GALNTL6: variants seen among roughly 807,000 people sequenced by gnomAD.
GALNTL6 encodes polypeptide N-acetylgalactosaminyltransferase like 6.
A neutral mutation model predicts 73.7 loss-of-function variants in GALNTL6; 46 were observed. That is an observed-to-expected ratio of 0.62 (90% CI 0.49 to 0.80). The LOEUF (loss-of-function observed/expected upper bound fraction) is 0.80, where lower values mean the gene tolerates loss of function less well. Among genes scored for constraint, GALNTL6 ranks in the 30% least tolerant of loss-of-function variants. The pLI, the probability that GALNTL6 is intolerant of heterozygous loss-of-function variation, is 0.00. For missense variants in GALNTL6, 604 were observed against 755.0 expected (o/e 0.80, Z 2.34); for synonymous variants, 259 against 263.7 (o/e 0.98, Z 0.17).
chr4:172,747,398 AATAG>A (rs139503844), intron 5 of GALNTL6, among the ~76,000 whole-genome samples: 3,604 of 152,204 alleles, frequency 0.024, 131 homozygotes, highest in African/African-American at 0.081. Context: ...AAATGAGATG[AATAG>A]ATAAAGTGGA....
intron 4 of GALNTL6, among the ~76,000 whole-genome samples, chr4:172,336,277 T>TTTTTTTG (rs1487461976): frequency 7.4e-6 from 1 of 135,218 alleles, no homozygotes; most frequent in African/African-American, 2.8e-5. Flanking sequence ...TTTGTTTTGT[T>TTTTTTTG]TTTTTTTTTT....
At chr4:171,838,255 C>G (rs1190737897) in intron 2 of GALNTL6, among the ~76,000 whole-genome samples, 1 of 151,974 alleles carries the variant, frequency 6.6e-6, no homozygotes, top group Non-Finnish European at 1.5e-5. Context: ...TCCCAAGAAG[C>G]TGGGGTTACA....
At chr4:171,904,700 A>G (rs28795182) in intron 2 of GALNTL6, among the ~76,000 whole-genome samples, 36,681 of 151,816 alleles carry the variant, frequency 0.24, 4,585 homozygotes, top group Middle Eastern at 0.34. Flanking sequence ...TATCAGATTC[A>G]CCAAAGTTGA....
intron 2 of GALNTL6, among the ~76,000 whole-genome samples, chr4:171,931,508 T>C (rs1405681641): frequency 6.6e-6 from 1 of 152,248 alleles, no homozygotes; most frequent in East Asian, 1.9e-4. Flanking sequence ...TAACATATGA[T>C]AGTCACTTTC....
At chr4:172,071,880 C>T (rs1731542777) in intron 2 of GALNTL6, among the ~76,000 whole-genome samples, 1 of 152,136 alleles carries the variant, frequency 6.6e-6, no homozygotes, top group African/African-American at 2.4e-5. Context: ...TGCTATGTGA[C>T]TGGATAGGAA....
In GALNTL6 at chr4:172,817,125, AAAGG is replaced by A. The variant is rs1196099467; in HGVS notation, c.923+3406_923+3409del. Among the ~76,000 whole-genome samples, 1,030 of 151,006 alleles carry A rather than the reference AAAGG, an allele frequency of 6.8e-3. 9 individuals carry two copies. Among genetic ancestry groups the A allele is most frequent in the African/African-American group, 0.023 (928 of 41,114 alleles). Reference sequence around the variant, plus strand: ...CGTCTCCAAAAAAAAAAAAAAAAAGAAAGGAAGAAATATTTTGGGGCCAGGAACA... The same window carrying A: ...CGTCTCCAAAAAAAAAAAAAAAAAGAAAGAAATATTTTGGGGCCAGGAACA... On this transcript the variant is annotated intron_variant, in intron 7 of 12. Coordinates refer to ENST00000506823, the MANE Select transcript of GALNTL6 (RefSeq NM_001034845.3).
At chr4:172,332,413 T>A (rs1029655012) in intron 4 of GALNTL6, among the ~76,000 whole-genome samples, 6 of 152,082 alleles carry the variant, frequency 3.9e-5, no homozygotes, top group Non-Finnish European at 8.8e-5. Flanking sequence ...TTACTTTATG[T>A]TTTTATCTTT....
At chr4:172,905,400 GA>G (rs1022023311) in intron 8 of GALNTL6, among the ~76,000 whole-genome samples, 1 of 152,084 alleles carries the variant, frequency 6.6e-6, no homozygotes, top group Non-Finnish European at 1.5e-5. Flanking sequence ...ATCTTGTTAT[GA>G]TTTAATATTT....
intron 5 of GALNTL6, among the ~76,000 whole-genome samples, chr4:172,479,434 G>A (rs1733361731): frequency 6.6e-6 from 1 of 152,200 alleles, no homozygotes; most frequent in African/African-American, 2.4e-5. Flanking sequence ...GGATGGAAAT[G>A]GAGGAGGTTT....
intron 2 of GALNTL6, among the ~76,000 whole-genome samples, chr4:172,040,556 C>T (rs1742056255): frequency 6.6e-6 from 1 of 152,008 alleles, no homozygotes; most frequent in Admixed American, 6.6e-5. Context: ...TCTACCATGC[C>T]ATTAATGATG....
intron 5 of GALNTL6, among the ~76,000 whole-genome samples, chr4:172,625,262 C>G (rs536224553): frequency 2.6e-5 from 4 of 152,086 alleles, no homozygotes; most frequent in Admixed American, 2.0e-4. Flanking sequence ...TCCGTACATA[C>G]CCAATGTTTA....
intron 10 of GALNTL6, among the ~76,000 whole-genome samples, chr4:172,953,319 G>A (rs1285442204): frequency 1.3e-5 from 2 of 152,188 alleles, no homozygotes; most frequent in Non-Finnish European, 2.9e-5. Flanking sequence ...TGGATAGGGT[G>A]GATTTATCCT....
intron 2 of GALNTL6, among the ~76,000 whole-genome samples, chr4:171,976,342 C>T (rs958982642): frequency 1.3e-5 from 2 of 152,176 alleles, no homozygotes; most frequent in South Asian, 2.1e-4. Context: ...AAAGAATATG[C>T]GTTGAGGTCA....
intron 5 of GALNTL6, among the ~76,000 whole-genome samples, chr4:172,653,345 G>A (rs143811951): frequency 2.0e-5 from 3 of 150,990 alleles, no homozygotes; most frequent in African/African-American, 4.9e-5. Flanking sequence ...TCAGCCTCCC[G>A]AGTAGCTGGG....
At chr4:172,523,130 G>A (rs1268029745) in intron 5 of GALNTL6, among the ~76,000 whole-genome samples, 2 of 152,148 alleles carry the variant, frequency 1.3e-5, no homozygotes, top group Non-Finnish European at 2.9e-5. Flanking sequence ...TAAGCATTAT[G>A]TTGAGGGACT....
chr4:172,460,148 G>T (rs1224243671), intron 5 of GALNTL6, among the ~76,000 whole-genome samples: 1 of 152,142 alleles, frequency 6.6e-6, no homozygotes, highest in Admixed American at 6.5e-5. Context: ...AAATGATGTT[G>T]GGAAAACTGG....
At chr4:172,898,850 GC>G (rs1746474379) in intron 8 of GALNTL6, among the ~76,000 whole-genome samples, 1 of 152,184 alleles carries the variant, frequency 6.6e-6, no homozygotes, top group South Asian at 2.1e-4. Context: ...TAGTCAGACA[GC>G]CCGGCGCTGC....
chr4:172,474,881 G>A (rs1251967280), intron 5 of GALNTL6, among the ~76,000 whole-genome samples: 2 of 152,084 alleles, frequency 1.3e-5, no homozygotes, highest in Non-Finnish European at 2.9e-5. Context: ...AATCAATACT[G>A]ATTTACATTA....
chr4:172,163,396 C>T (rs1338165511), intron 2 of GALNTL6, among the ~76,000 whole-genome samples: 2 of 151,780 alleles, frequency 1.3e-5, no homozygotes, highest in South Asian at 2.1e-4. Context: ...ACATAGATAA[C>T]TCTGTAAATC....
Sources: allele counts gnomAD v4.1 joint callset (sites outside exome capture counted in the v4.1 genomes callset), GRCh38; gene constraint gnomAD v4.1.1; transcripts MANE v1.5; gene names NCBI Gene and HGNC (gene_info 2026-07-23, HGNC 2026-07-21).